Variants in KCNH5 observed in about 807,000 individuals in gnomAD.
KCNH5 encodes the protein potassium voltage-gated channel subfamily H member 5, also known as voltage-gated delayed rectifier potassium channel KCNH5.
Under a neutral mutation model 96.1 loss-of-function variants are expected in KCNH5, and 46 were observed. The ratio of observed to expected loss-of-function variants is 0.48; its 90% CI spans 0.38 to 0.61. The LOEUF is 0.61. Among genes scored for constraint, KCNH5 ranks in the 20% least tolerant of loss-of-function variants. KCNH5 has a pLI of 0.00. For synonymous variants in KCNH5, 439 were observed against 449.8 expected (o/e 0.98, Z 0.30); for missense variants, 907 against 1,225.8 (o/e 0.74, Z 3.88).
chr14:62,869,158 G>A (rs1475567302), intron 7 of KCNH5, among the ~76,000 whole-genome samples: 1 of 152,172 alleles, frequency 6.6e-6, no homozygotes, highest in Non-Finnish European at 1.5e-5. Context: ...CACCAACAGT[G>A]TAAAAGCATT....
chr14:62,914,585 T>C (rs968016445), intron 7 of KCNH5, among the ~76,000 whole-genome samples: 1 of 152,184 alleles, frequency 6.6e-6, no homozygotes, highest in Non-Finnish European at 1.5e-5. Context: ...TCTTCTCACA[T>C]TTACATATAT....
At position 63,045,435 on chromosome 14, in the gene KCNH5, C is replaced by G; in HGVS notation, c.-249G>C. ...CGCCGCTGCCCAGACTGTGGCGGTG[C>G]CGCACACGGGGCTCGGGAACTGCAG... is the stretch of plus-strand genomic sequence containing the variant. On this transcript the variant is annotated 5_prime_UTR_variant, in exon 1 of 11. Transcript: ENST00000322893. The G allele has an allele frequency of 1.9e-6, 1 of 528,196 alleles. No homozygotes were observed. The highest frequency in any genetic ancestry group is 3.4e-6 in the Non-Finnish European group (1 of 292,428). 32.7% of individuals were successfully genotyped at this position (528,196 alleles called of 1,614,324 possible). A position where few individuals can be genotyped will look rare whatever the true frequency, so the allele number is the denominator to read the frequency against.
chr14:63,005,130 T>A (rs1010781028), intron 3 of KCNH5, among the ~76,000 whole-genome samples: 1 of 152,182 alleles, frequency 6.6e-6, no homozygotes, highest in Non-Finnish European at 1.5e-5. Flanking sequence ...AGCTGACCAT[T>A]CAGAAGGGAT....
At chr14:62,804,739 T>C (rs1358396497) in intron 8 of KCNH5, among the ~76,000 whole-genome samples, 2 of 152,206 alleles carry the variant, frequency 1.3e-5, no homozygotes, top group African/African-American at 2.4e-5. Context: ...GGGATAATGA[T>C]AGTGCTTATA....
chr14:63,043,351 A>T (rs1891862160), intron 1 of KCNH5, among the ~76,000 whole-genome samples: 1 of 152,250 alleles, frequency 6.6e-6, no homozygotes, highest in Non-Finnish European at 1.5e-5. Flanking sequence ...CATAGACCAA[A>T]TTGCGTGAAG....
chr14:62,728,386 CA>C (rs1884980676), intron 10 of KCNH5, among the ~76,000 whole-genome samples: 1 of 34,464 alleles, frequency 2.9e-5, no homozygotes, highest in Non-Finnish European at 7.8e-5. Context: ...GATTCTGTCT[CA>C]AAGAAAAAAA....
intron 7 of KCNH5, among the ~76,000 whole-genome samples, chr14:62,941,138 C>T (rs926424050): frequency 6.6e-6 from 1 of 152,048 alleles, no homozygotes; most frequent in African/African-American, 2.4e-5. Context: ...ACACCTGGCA[C>T]AAGGCTGAAT....
At chr14:62,736,819 T>C (rs369002747) in intron 10 of KCNH5, among the ~76,000 whole-genome samples, 157 of 152,300 alleles carry the variant, frequency 1.0e-3, no homozygotes, top group African/African-American at 3.6e-3. Flanking sequence ...CCACAGTTCA[T>C]GTTTCTTTTC....
chr14:62,815,911 G>A (rs1886968315), intron 8 of KCNH5, among the ~76,000 whole-genome samples: 2 of 151,824 alleles, frequency 1.3e-5, no homozygotes, highest in Non-Finnish European at 2.9e-5. Context: ...AGTAAAGGTA[G>A]TCAAAATAGG....
chr14:63,013,286 T>C (rs993245923), intron 2 of KCNH5, among the ~76,000 whole-genome samples: 9 of 152,112 alleles, frequency 5.9e-5, no homozygotes, highest in Admixed American at 5.2e-4. Context: ...TTTAACCCTA[T>C]AGACTTTAAT....
intron 7 of KCNH5, among the ~76,000 whole-genome samples, chr14:62,914,553 A>C (rs997331628): frequency 6.6e-6 from 1 of 152,194 alleles, no homozygotes; most frequent in African/African-American, 2.4e-5. Context: ...ACTGGAAGAG[A>C]CAAAAATCTT....
chr14:62,899,174 T>C (rs1595675731), intron 7 of KCNH5, among the ~76,000 whole-genome samples: 1 of 152,126 alleles, frequency 6.6e-6, no homozygotes, highest in East Asian at 1.9e-4. Flanking sequence ...CACCACATCA[T>C]GGTCATAAAG....
At chr14:62,747,432 A>T (rs1434347863) in intron 10 of KCNH5, among the ~76,000 whole-genome samples, 1 of 152,176 alleles carries the variant, frequency 6.6e-6, no homozygotes, top group African/African-American at 2.4e-5. Flanking sequence ...ATTTTTCCCA[A>T]TGCTTCCCCT....
intron 1 of KCNH5, among the ~76,000 whole-genome samples, chr14:63,023,584 C>G (rs1891469823): frequency 6.6e-6 from 1 of 152,056 alleles, no homozygotes; most frequent in East Asian, 1.9e-4. Flanking sequence ...TGGACTTGAA[C>G]TACACTTTAA....
rs1005705062 is a variant in KCNH5, at chr14:62,722,998, C to T, written c.2020-14543G>A. On this transcript the variant is annotated intron_variant, in intron 10 of 10. Transcript: ENST00000322893. ...TGTAATGCACTTTCAAATACACTACCCTACTGATCTCATTTGAGACTATTC... is the reference window on the plus strand; with the variant it reads ...TGTAATGCACTTTCAAATACACTACTCTACTGATCTCATTTGAGACTATTC... 3.3e-5 allele frequency among the ~76,000 whole-genome samples: 5 copies of T among 152,132 alleles called. 1 individual carries two copies. The highest frequency in any genetic ancestry group is 3.3e-4 in the Admixed American group (5 of 15,274).
intron 7 of KCNH5, among the ~76,000 whole-genome samples, chr14:62,915,759 T>C (rs1280301579): frequency 4.6e-5 from 7 of 152,182 alleles, no homozygotes; most frequent in Admixed American, 4.6e-4. Context: ...GAACATCTAC[T>C]TGATATTAGG....
chr14:62,959,677 A>G (rs1193046834), intron 6 of KCNH5, among the ~76,000 whole-genome samples: 1 of 152,042 alleles, frequency 6.6e-6, no homozygotes, highest in Non-Finnish European at 1.5e-5. Context: ...CTGTCCTCCC[A>G]CTTTCCTGCA....
intron 4 of KCNH5, among the ~76,000 whole-genome samples, chr14:62,993,868 G>C (rs1314652591): frequency 1.3e-5 from 2 of 152,034 alleles, no homozygotes; most frequent in Non-Finnish European, 2.9e-5. Flanking sequence ...GGTCGATACA[G>C]GGTAATGCAA....
intron 8 of KCNH5, among the ~76,000 whole-genome samples, chr14:62,805,751 AG>A: frequency 6.6e-6 from 1 of 152,296 alleles, no homozygotes; most frequent in East Asian, 1.9e-4. Context: ...ATATTTCAGA[AG>A]AAAATACTTA....
Sources: gnomAD v4.1 joint callset for allele counts (sites outside exome capture counted in the v4.1 genomes callset) on GRCh38, gnomAD v4.1.1 for gene constraint, MANE v1.5 for transcripts, NCBI Gene and HGNC (gene_info 2026-07-23, HGNC 2026-07-21) for gene names.